The following SLC44A4 variants were observed in gnomAD, a reference collection of about 807,000 sequenced individuals.
SLC44A4 encodes solute carrier family 44 member 4, also known as choline transporter-like protein 4.
SLC44A4 carries 74 observed loss-of-function variants against 97.0 expected under a neutral mutation model. The observed-to-expected ratio is 0.76, with a 90% CI of 0.63 to 0.93. SLC44A4 has a LOEUF of 0.93. SLC44A4 is among the 40% of genes least tolerant of loss of function. The pLI, the probability that SLC44A4 is intolerant of heterozygous loss-of-function variation, is 0.00. For missense variants in SLC44A4, 799 were observed against 902.9 expected (o/e 0.88, Z 1.48); for synonymous variants, 325 against 363.8 (o/e 0.89, Z 1.21).
rs765318671 is a variant in SLC44A4 at position 31,869,197 on chromosome 6, G to A, written c.1191C>T (p.Pro397=). Reference sequence around the variant, plus strand: ...TATTTATTGGCACTTTCTCACAGCCGGGGGAGCTGATGTTGGATGCCCAGA... The same window carrying A: ...TATTTATTGGCACTTTCTCACAGCCAGGGGAGCTGATGTTGGATGCCCAGA... The part of the protein sequence containing the change: ...YVLWASNISS[P]GCEKVPINTS... Residue 397 remains proline, a synonymous_variant, in exon 13 of 21, where the codon CCC becomes CCT. Coordinates refer to ENST00000229729, the MANE Select transcript of SLC44A4 (RefSeq NM_025257.3). The A allele has an allele frequency of 1.7e-5, 27 of 1,610,304 alleles. No individual in the cohort carries two copies. The highest frequency in any genetic ancestry group is 1.6e-4 in the East Asian group (7 of 44,822).
rs2151553759 is a variant in SLC44A4, at chr6:31,865,442, G to C, written c.1687-54C>G. ...CAAGGCGAGCTGCCTGGACCAGGAT[G>C]GGGGTGTCTAGACCAAAGGGCACCA... is the stretch of plus-strand genomic sequence containing the variant. On this transcript the variant is annotated intron_variant, in intron 16 of 20. Coordinates refer to ENST00000229729, the MANE Select transcript of SLC44A4 (RefSeq NM_025257.3). The surrounding 1 kb of genome is among the most constrained non-coding windows in gnomAD (Gnocchi z 5.2). The C allele has an allele frequency of 6.2e-7, 1 of 1,611,132 alleles. No individual in the cohort carries two copies. Among genetic ancestry groups the C allele is most frequent in the East Asian group, 2.2e-5 (1 of 44,866 alleles).
chr6:31,865,986 CAG>C lies in SLC44A4; in HGVS notation c.1372_1373del (p.Leu458GlyfsTer65). The C allele has an allele frequency of 6.2e-7, 1 of 1,614,210 alleles. No individual in the cohort carries two copies. Among genetic ancestry groups the C allele is most frequent in the Non-Finnish European group, 8.5e-7 (1 of 1,180,028 alleles). ...CAGCGAGGACGCATTGGCCCAGGGC[CAG>C]TACCCAGTTAAGGGTCCAGAAGAGC... The part of the protein sequence containing the change: ...LGLFWTLNWV[L>X]ALGQCVLAGA... On this transcript the variant is annotated frameshift_variant, in exon 14 of 21. Coordinates refer to ENST00000229729, the MANE Select transcript of SLC44A4 (RefSeq NM_025257.3). LOFTEE classifies it high-confidence loss of function. The surrounding 1 kb of genome is among the most constrained non-coding windows in gnomAD (Gnocchi z 5.2).
chr6:31,877,073 A>G lies in SLC44A4; in HGVS notation c.50T>C (p.Val17Ala). The G allele has an allele frequency of 6.2e-7, 1 of 1,610,248 alleles. No homozygotes were observed. Among genetic ancestry groups the G allele is most frequent in the South Asian group, 1.1e-5 (1 of 89,990 alleles). Residue 17 changes from valine (V) to alanine (A), a missense_variant, in exon 2 of 21, where the codon GTC (valine) becomes GCC (alanine). Transcript: ENST00000229729. The surrounding 1 kb of genome is among the most constrained non-coding windows in gnomAD (Gnocchi z 6.5). ...GCCTCGAAAGGAGGGGTCGTATTTG[A>G]CTGGCTTCCCTGAGGGACATGAGAA... ...DEDDEAYGKPVKYDPSFRGPI... is the reference protein window; with the variant it reads ...DEDDEAYGKPAKYDPSFRGPI...
chr6:31,869,097 G>A, intron 13 of SLC44A4, 58 bp downstream of exon 13: 1 of 1,375,098 alleles, frequency 7.3e-7, no homozygotes, highest in Non-Finnish European at 1.0e-6. Context: ...GAGGAATGTG[G>A]CCCCTACAGC....
At position 31,866,060 on chromosome 6, in the gene SLC44A4, G is replaced by A; in HGVS notation, c.1300C>T (p.Leu434=). The A allele has an allele frequency of 8.7e-6, 14 of 1,614,220 alleles. No individual in the cohort carries two copies. The highest frequency in any genetic ancestry group is 1.2e-5 in the Non-Finnish European group (14 of 1,180,034). ...CVFQGYSSKG[L]IQRSVFNLQI... ...AGATTGAAGACAGAACGTTGGATTA[G>A]GCCTTTGGATGAGTAGCCCTGGAAG... is the stretch of plus-strand genomic sequence containing the variant. The change falls in exon 14 of 21, where the codon CTA becomes TTA. Residue 434 remains leucine (L), a synonymous_variant. Coordinates refer to ENST00000229729, the MANE Select transcript of SLC44A4 (RefSeq NM_025257.3).
intron 13 of SLC44A4, among the ~76,000 whole-genome samples, chr6:31,866,595 GAA>G (rs1226702734): frequency 2.6e-5 from 4 of 151,592 alleles, no homozygotes; most frequent in Non-Finnish European, 5.9e-5. Context: ...AAAGTCTCCA[GAA>G]AAAAAAATTT....
chr6:31,864,522 A>C, intron 20 of SLC44A4, 130 bp downstream of exon 20: 1 of 836,670 alleles, frequency 1.2e-6, no homozygotes, highest in South Asian at 1.6e-5. Context: ...TGTCACAAGA[A>C]GCTCCCTCTG....
intron 13 of SLC44A4, among the ~76,000 whole-genome samples, chr6:31,867,645 G>T (rs574805600): frequency 5.9e-4 from 89 of 151,726 alleles, no homozygotes; most frequent in Admixed American, 2.7e-3. Flanking sequence ...AAGATCACTT[G>T]AGCCTGGGAG....
At position 31,865,313 on chromosome 6, in the gene SLC44A4, A is replaced by C; in HGVS notation, c.1760+2T>G. 1 of 1,613,960 alleles carries C rather than the reference A, an allele frequency of 6.2e-7. No individual in the cohort carries two copies. The highest frequency in any genetic ancestry group is 8.5e-7 in the Non-Finnish European group (1 of 1,179,976). On this transcript the variant is annotated splice_donor_variant, in intron 17 of 20. Transcript: ENST00000229729. LOFTEE classifies it high-confidence loss of function. This position sits in a 1 kb window ranked among gnomAD's most constrained non-coding sequence, Gnocchi z 5.2. ...CACAAAGCGGGGGGGGAGCAGCCTA[A>C]CCTGACAATGTTTCGCATGAGTAGC...
chr6:31,864,266 G>A (rs1762714220), intron 20 of SLC44A4, among the ~76,000 whole-genome samples: 1 of 152,166 alleles, frequency 6.6e-6, no homozygotes, highest in Middle Eastern at 3.4e-3. Context: ...AGTAGAGAGG[G>A]GTTTCACCAT....
At chr6:31,871,250 A>AG in intron 9 of SLC44A4, 64 bp downstream of exon 9, 1 of 1,496,748 alleles carries the variant, frequency 6.7e-7, no homozygotes, top group Non-Finnish European at 9.3e-7. Context: ...ACATTGGGCG[A>AG]GGGGGTAGAG....
chr6:31,873,918 C>G (rs1037634726), intron 7 of SLC44A4, among the ~76,000 whole-genome samples: 1 of 151,942 alleles, frequency 6.6e-6, no homozygotes, highest in African/African-American at 2.4e-5. Context: ...ACTAAAAATA[C>G]AAATTTAATA....
chr6:31,876,199 G>T lies in SLC44A4; in HGVS notation c.90-70C>A. On this transcript the variant is annotated intron_variant, in intron 2 of 20. Coordinates refer to ENST00000229729, the MANE Select transcript of SLC44A4 (RefSeq NM_025257.3). This position sits in a 1 kb window ranked among gnomAD's most constrained non-coding sequence, Gnocchi z 4.8. ...GAGGTAGGGCTTATGGTCTGGAGGG[G>T]TTAAGGGTTAGAGAGTTGGGTGATG... 1 of 1,291,742 alleles carries T rather than the reference G, an allele frequency of 7.7e-7. No homozygotes were observed. 80.0% of individuals were successfully genotyped at this position (1,291,742 alleles called of 1,614,324 possible).
Position 31,878,252 on chromosome 6 carries a change from G to C in SLC44A4, c.40+689C>G, listed in dbSNP as rs1375654911. Among the ~76,000 whole-genome samples, 3 of 151,708 alleles carry C rather than the reference G, an allele frequency of 2.0e-5. No homozygotes were observed. The highest frequency in any genetic ancestry group is 4.9e-5 in the African/African-American group (2 of 41,226). On this transcript the variant is annotated intron_variant, in intron 1 of 20. Transcript: ENST00000229729. The surrounding 1 kb of genome is among the most constrained non-coding windows in gnomAD (Gnocchi z 4.0). ...CCAGGGGCCCTGTCCCTATTCCTCA[G>C]AGTACCCCAAGACCAGCTCCTGCTC... is the stretch of plus-strand genomic sequence containing the variant.
At chr6:31,875,116 A>G in intron 4 of SLC44A4, 88 bp from the exon 5 acceptor site, 2 of 1,048,734 alleles carry the variant, frequency 1.9e-6, no homozygotes, top group Non-Finnish European at 2.9e-6. Flanking sequence ...TCAAGAATAC[A>G]GTGGGCCCAG....
rs1307548213 is a variant in SLC44A4, at chr6:31,869,234, G to A, written c.1154C>T (p.Pro385Leu). 6.2e-7 allele frequency: 1 copy of A among 1,609,176 alleles called. No homozygotes were observed. The highest frequency in any genetic ancestry group is 1.1e-5 in the South Asian group (1 of 90,352). Residue 385 changes from proline (P) to leucine (L), a missense_variant, in exon 13 of 21, where the codon CCC becomes CTC. This residue lies in a region of SLC44A4 where 379 missense variants were observed against 438.3 expected (regional missense o/e 0.86). Coordinates refer to ENST00000229729, the MANE Select transcript of SLC44A4 (RefSeq NM_025257.3). ...GTTGGATGCCCAGAGCACATACTGG[G>A]GTTGCCCCGATGTAGCCAGGTACCC... ...TALYLATSGQ[P>L]QYVLWASNIS...
chr6:31,867,062 C>T (rs2151556674), intron 13 of SLC44A4, among the ~76,000 whole-genome samples: 1 of 151,968 alleles, frequency 6.6e-6, no homozygotes, highest in African/African-American at 2.4e-5. Context: ...AAAAAGCAAC[C>T]CTTTCTAGCA....
rs1222657716 is a variant in SLC44A4 at position 31,865,101 on chromosome 6, G to C, written c.1761-21C>G. ...CCACCCTGTGCCAGAAGTTAGGGCA[G>C]GTTGAGGGTGAGAGGCCTGGCAATG... is the stretch of plus-strand genomic sequence containing the variant. On this transcript the variant is annotated intron_variant, in intron 17 of 20. Coordinates refer to ENST00000229729, the MANE Select transcript of SLC44A4 (RefSeq NM_025257.3). This position sits in a 1 kb window ranked among gnomAD's most constrained non-coding sequence, Gnocchi z 5.2. The C allele has an allele frequency of 6.2e-6, 10 of 1,612,936 alleles. No homozygotes were observed. Among genetic ancestry groups the C allele is most frequent in the Non-Finnish European group, 7.6e-6 (9 of 1,179,794 alleles).
In SLC44A4 at chr6:31,863,645, G is replaced by T; in HGVS notation, c.2115C>A (p.Asn705Lys). 6.2e-7 allele frequency: 1 copy of T among 1,611,720 alleles called. No homozygotes were observed. Among genetic ancestry groups the T allele is most frequent in the Non-Finnish European group, 8.5e-7 (1 of 1,179,580 alleles). Reference sequence around the variant, plus strand: ...GGAGCTGTCACTTCTTCCTCTTCTTGTTGTCCGGGGGCGCCTCGTTCTTCT... The same window carrying T: ...GGAGCTGTCACTTCTTCCTCTTCTTTTTGTCCGGGGGCGCCTCGTTCTTCT... Reference protein sequence around the residue: ...LGKKNEAPPDNKKRKK With the variant: ...LGKKNEAPPDKKKRKK The change falls in exon 21 of 21, where the codon AAC becomes AAA. Residue 705 changes from asparagine to lysine, a missense_variant. Asn to Lys is a moderately conservative substitution (Grantham distance 94). Around this residue, in one of 3 missense-constraint regions of SLC44A4, gnomAD observed 379 missense variants for 438.3 expected, o/e 0.86. Coordinates refer to ENST00000229729, the MANE Select transcript of SLC44A4 (RefSeq NM_025257.3).
Sources: allele counts gnomAD v4.1 joint callset (sites outside exome capture counted in the v4.1 genomes callset), GRCh38; gene constraint gnomAD v4.1.1; regional missense constraint gnomAD v4.1.1; non-coding constraint Gnocchi (gnomAD v3.1); transcripts MANE v1.5; gene names NCBI Gene and HGNC (gene_info 2026-07-23, HGNC 2026-07-21).